The following GPRASP3 variants were observed in gnomAD, a reference collection of about 807,000 sequenced individuals.
GPRASP3 encodes G protein-coupled receptor associated sorting protein 3.
the GPRASP3 span, among the ~76,000 whole-genome samples, chrX:102,736,141 A>G: frequency 8.9e-6 from 1 of 112,078 alleles, no homozygotes; most frequent in Admixed American, 9.5e-5. Flanking sequence ...GCAGTTTATG[A>G]CCTTAAAGCA....
the GPRASP3 span, among the ~76,000 whole-genome samples, chrX:102,725,794 G>T: frequency 4.4e-5 from 5 of 112,413 alleles, no homozygotes; most frequent in Non-Finnish European, 7.5e-5. Context: ...TGATCCACCC[G>T]CCTCGGCCAC....
chrX:102,726,355 A>T, the GPRASP3 span, among the ~76,000 whole-genome samples: 3 of 112,548 alleles, frequency 2.7e-5, no homozygotes, highest in African/African-American at 9.7e-5. Flanking sequence ...GATCATTGTA[A>T]CTGTTTTTAC....
At chrX:102,740,817 T>C in the GPRASP3 span, among the ~76,000 whole-genome samples, 3 of 101,163 alleles carry the variant, frequency 3.0e-5, no homozygotes, top group African/African-American at 1.1e-4. Context: ...AATAGCAGAA[T>C]TGATCACAAG....
At chrX:102,738,052 T>C in the GPRASP3 span, among the ~76,000 whole-genome samples, 1 of 111,724 alleles carries the variant, frequency 9.0e-6, no homozygotes, top group Non-Finnish European at 1.9e-5. Context: ...AAGAGGCTAA[T>C]CTGAGGACCT....
At chrX:102,735,175 T>A in the GPRASP3 span, among the ~76,000 whole-genome samples, 1 of 111,889 alleles carries the variant, frequency 8.9e-6, no homozygotes, top group South Asian at 3.7e-4. Flanking sequence ...TGCATTAGTG[T>A]CAAACCGAAT....
chrX:102,731,829 GCA>G, the GPRASP3 span, among the ~76,000 whole-genome samples: 1 of 111,452 alleles, frequency 9.0e-6, no homozygotes, highest in African/African-American at 3.3e-5. Flanking sequence ...AAGTGAGCAC[GCA>G]CAGTGTGTTT....
the GPRASP3 span, among the ~76,000 whole-genome samples, chrX:102,726,467 G>A: frequency 1.8e-4 from 20 of 111,338 alleles, no homozygotes; most frequent in Non-Finnish European, 3.6e-4. Context: ...TTTTTTCCCT[G>A]TTTATCAGCC....
chrX:102,723,636 T>G, the GPRASP3 span, among the ~76,000 whole-genome samples: 331 of 111,596 alleles, frequency 3.0e-3, no homozygotes, highest in African/African-American at 9.3e-3. Flanking sequence ...TGACACAGCT[T>G]CAAAAAATCT....
chrX:102,749,891 T>G, the GPRASP3 span: 1 of 1,207,481 alleles, frequency 8.3e-7, no homozygotes. Flanking sequence ...AGACGTCAAA[T>G]CAGGATCAGG....
the GPRASP3 span, among the ~76,000 whole-genome samples, chrX:102,738,704 A>G: frequency 9.0e-6 from 1 of 111,596 alleles, no homozygotes; most frequent in Admixed American, 9.5e-5. Flanking sequence ...TTCTGTTCCA[A>G]TGGTAATCTG....
chrX:102,748,633 G>T, the GPRASP3 span: 1 of 155,799 alleles, frequency 6.4e-6, no homozygotes, highest in Non-Finnish European at 1.3e-5. Context: ...GTCCTTCTGT[G>T]TGGCTGTTTG....
the GPRASP3 span, among the ~76,000 whole-genome samples, chrX:102,735,650 C>A: frequency 7.2e-5 from 8 of 111,692 alleles, no homozygotes; most frequent in African/African-American, 1.9e-4. Context: ...CCTTGTGATC[C>A]GCCTGCCTCG....
chrX:102,728,568 G>C, the GPRASP3 span, among the ~76,000 whole-genome samples: 1 of 84,711 alleles, frequency 1.2e-5, no homozygotes, highest in Middle Eastern at 7.0e-3. Flanking sequence ...AATGTGCACT[G>C]CTTTTTTTTT....
chrX:102,743,845 C>G, the GPRASP3 span, among the ~76,000 whole-genome samples: 1 of 110,117 alleles, frequency 9.1e-6, no homozygotes, highest in African/African-American at 3.3e-5. Context: ...CGAGGTGGAG[C>G]CAGACATGCA....
At chrX:102,728,463 G>T in the GPRASP3 span, among the ~76,000 whole-genome samples, 1 of 110,792 alleles carries the variant, frequency 9.0e-6, no homozygotes, top group Non-Finnish European at 1.9e-5. Flanking sequence ...CTGTACCTGG[G>T]AGTGAAAAGA....
At chrX:102,750,779 T>G in the GPRASP3 span, 1 of 431,777 alleles carries the variant, frequency 2.3e-6, no homozygotes, top group East Asian at 4.2e-5. Context: ...ATTTTGGGGG[T>G]ATCAAATGAA....
At chrX:102,741,356 C>T in the GPRASP3 span, among the ~76,000 whole-genome samples, 3 of 111,819 alleles carry the variant, frequency 2.7e-5, no homozygotes, top group Non-Finnish European at 5.6e-5. Flanking sequence ...GCAAGGTGCC[C>T]TCCTTCTCCT....
the GPRASP3 span, among the ~76,000 whole-genome samples, chrX:102,745,326 A>G: frequency 5.4e-5 from 6 of 111,802 alleles, no homozygotes; most frequent in East Asian, 5.7e-4. Flanking sequence ...TGAGTCTGGT[A>G]CAGACCAGTG....
the GPRASP3 span, chrX:102,749,573 T>C: frequency 8.3e-7 from 1 of 1,211,684 alleles, no homozygotes; most frequent in Non-Finnish European, 1.1e-6. Flanking sequence ...CCTAAACCTG[T>C]GAGCAGGATA....
Sources: allele counts gnomAD v4.1 joint callset (sites outside exome capture counted in the v4.1 genomes callset), GRCh38; gene constraint gnomAD v4.1.1; transcripts MANE v1.5; gene names NCBI Gene and HGNC (gene_info 2026-07-23, HGNC 2026-07-21).